NALF1: variants seen among roughly 807,000 people sequenced by gnomAD.
NALF1 encodes the protein family with sequence similarity 155 member A.
A neutral mutation model predicts 48.4 loss-of-function variants in NALF1; 3 were observed. The observed-to-expected ratio is 0.06, with a 90% CI of 0.03 to 0.16. NALF1 has a LOEUF of 0.16. Among genes scored for constraint, NALF1 ranks in the 10% least tolerant of loss-of-function variants. The pLI is 1.00. For missense variants in NALF1, 526 were observed against 571.5 expected, an observed-to-expected ratio of 0.92 and a Z score of 0.81; for synonymous variants, 262 against 245.7, an observed-to-expected ratio of 1.07 and a Z score of -0.62.
At chr13:107,383,993 A>G (rs1337368508) in intron 1 of NALF1, among the ~76,000 whole-genome samples, 1 of 152,212 alleles carries the variant, frequency 6.6e-6, no homozygotes, top group Non-Finnish European at 1.5e-5. Flanking sequence ...TCACACCTGT[A>G]ACCCCAGCAC....
intron 1 of NALF1, among the ~76,000 whole-genome samples, chr13:107,254,743 G>A (rs899611202): frequency 6.6e-6 from 1 of 152,196 alleles, no homozygotes; most frequent in Non-Finnish European, 1.5e-5. Context: ...TACTACTGAT[G>A]TCAACATCCC....
chr13:107,657,153 G>A (rs950595657), intron 1 of NALF1, among the ~76,000 whole-genome samples: 18 of 149,036 alleles, frequency 1.2e-4, no homozygotes, highest in Middle Eastern at 6.9e-3. Context: ...ATACCTGTTC[G>A]CCAAAAACCT....
chr13:107,308,797 G>A (rs1406811140), intron 1 of NALF1, among the ~76,000 whole-genome samples: 3 of 152,160 alleles, frequency 2.0e-5, no homozygotes, highest in Non-Finnish European at 4.4e-5. Flanking sequence ...CAGATGAATC[G>A]CAACATGACT....
At chr13:107,558,058 T>C (rs7985914) in intron 1 of NALF1, among the ~76,000 whole-genome samples, 2,596 of 151,444 alleles carry the variant, frequency 0.017, 76 homozygotes, top group African/African-American at 0.059. Context: ...CCAAGCTGCG[T>C]CCCTGTTGTC....
intron 1 of NALF1, among the ~76,000 whole-genome samples, chr13:107,400,690 C>T (rs571550213): frequency 5.8e-4 from 88 of 150,792 alleles, no homozygotes; most frequent in Non-Finnish European, 7.5e-4. Context: ...GGTGACAGAG[C>T]GAGACTCTGT....
chr13:107,741,049 C>T (rs1876619394), intron 1 of NALF1, among the ~76,000 whole-genome samples: 1 of 152,180 alleles, frequency 6.6e-6, no homozygotes, highest in Admixed American at 6.5e-5. Flanking sequence ...CCAGGAATCA[C>T]ATTGATTCTC....
chr13:107,361,527 G>T (rs910836568), intron 1 of NALF1, among the ~76,000 whole-genome samples: 1 of 152,016 alleles, frequency 6.6e-6, no homozygotes, highest in African/African-American at 2.4e-5. Context: ...ATCTGGAAAA[G>T]AAAAATGAGC....
intron 1 of NALF1, among the ~76,000 whole-genome samples, chr13:107,423,833 C>T (rs568695861): frequency 7.4e-4 from 112 of 152,254 alleles, no homozygotes; most frequent in African/African-American, 2.6e-3. Flanking sequence ...TAACATAAGA[C>T]ATATGTATGA....
At chr13:107,773,729 T>C (rs1339011640) in intron 1 of NALF1, among the ~76,000 whole-genome samples, 1 of 8,102 alleles carries the variant, frequency 1.2e-4, no homozygotes, top group South Asian at 9.8e-3. Flanking sequence ...GGGACTGTTG[T>C]GGGGTGGGGG....
At chr13:107,536,323 T>C (rs1876809735) in intron 1 of NALF1, among the ~76,000 whole-genome samples, 2 of 152,074 alleles carry the variant, frequency 1.3e-5, no homozygotes, top group South Asian at 4.1e-4. Context: ...TTTCACAACC[T>C]ACTCATCTGA....
At chr13:107,789,996 T>C (rs559145478) in intron 1 of NALF1, among the ~76,000 whole-genome samples, 1 of 152,234 alleles carries the variant, frequency 6.6e-6, no homozygotes, top group East Asian at 1.9e-4. Context: ...TACACAATAT[T>C]TGAAAATGTT....
rs549663345 is a variant in NALF1, at chr13:107,350,135, A to T, written c.916-139380T>A. Among the ~76,000 whole-genome samples, 9 of 152,264 alleles carry T rather than the reference A, an allele frequency of 5.9e-5. No individual in the cohort carries two copies. The East Asian group carries it at 9.7e-4, about 16-fold the overall frequency. Reference sequence around the variant, plus strand: ...CATAGCCTGCTGCTCACCTCTTGCTATGCGGCCCAGTTCCTAACAGGCCAC... The same window carrying T: ...CATAGCCTGCTGCTCACCTCTTGCTTTGCGGCCCAGTTCCTAACAGGCCAC... On this transcript the variant is annotated intron_variant, in intron 1 of 2. Coordinates refer to ENST00000375915, the MANE Select transcript of NALF1 (RefSeq NM_001080396.3).
At chr13:107,724,014 A>G (rs2138529897) in intron 1 of NALF1, among the ~76,000 whole-genome samples, 1 of 152,324 alleles carries the variant, frequency 6.6e-6, no homozygotes, top group South Asian at 2.1e-4. Flanking sequence ...ATTTAAGTTA[A>G]AATAAGGGAT....
intron 1 of NALF1, among the ~76,000 whole-genome samples, chr13:107,440,914 C>A (rs1884547887): frequency 6.6e-6 from 1 of 152,060 alleles, no homozygotes; most frequent in African/African-American, 2.4e-5. Flanking sequence ...TATAAATAAA[C>A]AAGACCGCCC....
chr13:107,755,974 GA>G (rs1877081577), intron 1 of NALF1, among the ~76,000 whole-genome samples: 1 of 152,152 alleles, frequency 6.6e-6, no homozygotes, highest in Non-Finnish European at 1.5e-5. Flanking sequence ...TCACTAAAGA[GA>G]AAGAACCAAC....
chr13:107,393,163 C>T (rs554639177), intron 1 of NALF1, among the ~76,000 whole-genome samples: 17 of 152,078 alleles, frequency 1.1e-4, no homozygotes, highest in Admixed American at 5.9e-4. Context: ...AATCTATTAA[C>T]GGGATTTTAG....
At chr13:107,526,874 G>C in intron 1 of NALF1, among the ~76,000 whole-genome samples, 1 of 152,124 alleles carries the variant, frequency 6.6e-6, no homozygotes, top group Non-Finnish European at 1.5e-5. Context: ...AACACTTTCA[G>C]ACATGAGACA....
At chr13:107,793,037 T>C (rs886203550) in intron 1 of NALF1, among the ~76,000 whole-genome samples, 1 of 152,210 alleles carries the variant, frequency 6.6e-6, no homozygotes, top group Non-Finnish European at 1.5e-5. Flanking sequence ...ATCAGTGAGA[T>C]TTGTAAATAC....
At chr13:107,225,846 C>T (rs527366489) in intron 1 of NALF1, among the ~76,000 whole-genome samples, 11 of 152,154 alleles carry the variant, frequency 7.2e-5, no homozygotes, top group South Asian at 2.1e-4. Context: ...CACACGCATG[C>T]GCACAGACGC....
Sources: gnomAD v4.1 joint callset for allele counts (sites outside exome capture counted in the v4.1 genomes callset) on GRCh38, gnomAD v4.1.1 for gene constraint, MANE v1.5 for transcripts, NCBI Gene and HGNC (gene_info 2026-07-23, HGNC 2026-07-21) for gene names.